Variants in MDGA2 observed in about 807,000 individuals in gnomAD.
The protein encoded by MDGA2 is MAM domain-containing glycosylphosphatidylinositol anchor protein 2.
In MDGA2, 40 loss-of-function variants were observed where a neutral mutation model predicts 117.8. The observed-to-expected ratio is 0.34, with a 90% CI of 0.26 to 0.44. The LOEUF (loss-of-function observed/expected upper bound fraction) is 0.44, where lower values mean the gene tolerates loss of function less well. Among genes scored for constraint, MDGA2 ranks in the 20% least tolerant of loss-of-function variants. MDGA2 has a pLI of 1.00. For synonymous variants in MDGA2, 452 were observed against 439.0 expected, an observed-to-expected ratio of 1.03 and a Z score of -0.37; for missense variants, 1,123 against 1,250.6, an observed-to-expected ratio of 0.90 and a Z score of 1.54.
intron 1 of MDGA2, among the ~76,000 whole-genome samples, chr14:47,574,977 C>T (rs1043903765): frequency 4.6e-5 from 7 of 152,100 alleles, no homozygotes; most frequent in African/African-American, 1.2e-4. Context: ...CATGAGTATA[C>T]GTGGGTCTGT....
chr14:47,371,120 T>A (rs1891349169), intron 1 of MDGA2, among the ~76,000 whole-genome samples: 1 of 151,894 alleles, frequency 6.6e-6, no homozygotes, highest in African/African-American at 2.4e-5. Flanking sequence ...TAAATGATAC[T>A]TTTATTTTTC....
intron 1 of MDGA2, among the ~76,000 whole-genome samples, chr14:47,533,669 T>G (rs1895148096): frequency 6.6e-6 from 1 of 152,214 alleles, no homozygotes; most frequent in African/African-American, 2.4e-5. Context: ...AATAGTGACC[T>G]CATTACACTG....
intron 2 of MDGA2, among the ~76,000 whole-genome samples, chr14:47,253,434 C>T (rs1198528008): frequency 3.3e-5 from 5 of 152,164 alleles, no homozygotes; most frequent in African/African-American, 7.2e-5. Context: ...CCAAGACAAA[C>T]GGGCTACACA....
At chr14:47,174,640 T>C (rs1428807941) in intron 3 of MDGA2, among the ~76,000 whole-genome samples, 1 of 151,996 alleles carries the variant, frequency 6.6e-6, no homozygotes, top group African/African-American at 2.4e-5. Flanking sequence ...CTGGGACACA[T>C]TCAAAGCAGT....
At chr14:47,468,239 T>G (rs1346117360) in intron 1 of MDGA2, among the ~76,000 whole-genome samples, 1 of 152,156 alleles carries the variant, frequency 6.6e-6, no homozygotes. Context: ...TCTAAGGTCC[T>G]GACTATCCGT....
chr14:47,104,788 C>T lies in MDGA2; in HGVS notation c.926-7665G>A, dbSNP rs142818613. Among the ~76,000 whole-genome samples the T allele has an allele frequency of 7.9e-5, 12 of 152,210 alleles. No individual in the cohort carries two copies. In the East Asian group the frequency reaches 2.1e-3, roughly 27 times the overall value. ...CACCTACGACCTCAGGTCCTCAGACCGACCAGCCCAAGAAACAAACATCTC... is the reference window on the plus strand; with the variant it reads ...CACCTACGACCTCAGGTCCTCAGACTGACCAGCCCAAGAAACAAACATCTC... On this transcript the variant is annotated intron_variant, in intron 5 of 16. Coordinates refer to ENST00000399232, the MANE Select transcript of MDGA2 (RefSeq NM_001113498.3).
intron 14 of MDGA2, chr14:46,870,842 AT>A: frequency 6.6e-6 from 1 of 152,166 alleles, no homozygotes; most frequent in South Asian, 2.1e-4. Flanking sequence ...TATTAAAAGT[AT>A]TTTTAAAGTA....
At chr14:47,552,831 G>GT (rs1350166926) in intron 1 of MDGA2, among the ~76,000 whole-genome samples, 2 of 152,060 alleles carry the variant, frequency 1.3e-5, no homozygotes, top group Non-Finnish European at 2.9e-5. Context: ...CAGTCTCCAT[G>GT]TGACTCCTTT....
chr14:47,295,552 C>G (rs1889035559), intron 2 of MDGA2, among the ~76,000 whole-genome samples: 1 of 151,962 alleles, frequency 6.6e-6, no homozygotes, highest in South Asian at 2.1e-4. Context: ...TGTTTGAGGT[C>G]AACTGAGGAA....
At chr14:47,553,665 G>A (rs986278206) in intron 1 of MDGA2, among the ~76,000 whole-genome samples, 1 of 151,954 alleles carries the variant, frequency 6.6e-6, no homozygotes, top group Non-Finnish European at 1.5e-5. Flanking sequence ...GTATACATAT[G>A]TGTGTGACTG....
intron 1 of MDGA2, among the ~76,000 whole-genome samples, chr14:47,361,214 T>G (rs2138370918): frequency 7.0e-6 from 1 of 142,158 alleles, no homozygotes; most frequent in Admixed American, 7.2e-5. Context: ...TCTCTATATA[T>G]ATATATATAT....
chr14:47,229,834 G>A (rs1410326979), intron 2 of MDGA2, among the ~76,000 whole-genome samples: 1 of 151,882 alleles, frequency 6.6e-6, no homozygotes, highest in Non-Finnish European at 1.5e-5. Context: ...GCCCTTTTTT[G>A]TAATGAGAGT....
intron 1 of MDGA2, among the ~76,000 whole-genome samples, chr14:47,608,771 A>G (rs1318982304): frequency 6.6e-6 from 1 of 152,124 alleles, no homozygotes; most frequent in Non-Finnish European, 1.5e-5. Flanking sequence ...GGAGGGGCAC[A>G]GGGAAGAAGC....
intron 4 of MDGA2, among the ~76,000 whole-genome samples, chr14:47,134,377 A>G: frequency 1.3e-5 from 2 of 152,244 alleles, no homozygotes; most frequent in Admixed American, 1.3e-4. Context: ...TAAACTCAAT[A>G]TAATTAAATG....
chr14:47,280,820 T>G (rs1485287750), intron 2 of MDGA2, among the ~76,000 whole-genome samples: 1 of 151,744 alleles, frequency 6.6e-6, no homozygotes, highest in Non-Finnish European at 1.5e-5. Context: ...TAATTTATTT[T>G]TATTTTATTG....
intron 9 of MDGA2, among the ~76,000 whole-genome samples, chr14:46,944,940 T>G (rs1885120491): frequency 6.6e-6 from 1 of 152,086 alleles, no homozygotes; most frequent in Non-Finnish European, 1.5e-5. Context: ...ACATCTGGCC[T>G]ACCTTAAGGT....
intron 1 of MDGA2, among the ~76,000 whole-genome samples, chr14:47,572,407 T>A (rs946973107): frequency 6.6e-6 from 1 of 152,240 alleles, no homozygotes; most frequent in Non-Finnish European, 1.5e-5. Flanking sequence ...TTTGGGATCA[T>A]GTTATTAATT....
rs1037206911 is a variant in MDGA2 at position 47,105,897 on chromosome 14, T to G, written c.926-8774A>C. Among the ~76,000 whole-genome samples, 227 of 152,044 alleles carry G rather than the reference T, an allele frequency of 1.5e-3. 1 individual carries two copies. The highest frequency in any genetic ancestry group is 1.4e-3 in the Non-Finnish European group (95 of 68,016). Reference sequence around the variant, plus strand: ...TAGGTCCCAATTCTTTCTCAGCCTCTGCTCCTCCACCCTATAATCTTTTTA... The same window carrying G: ...TAGGTCCCAATTCTTTCTCAGCCTCGGCTCCTCCACCCTATAATCTTTTTA... On this transcript the variant is annotated intron_variant, in intron 5 of 16. Transcript: ENST00000399232.
intron 1 of MDGA2, among the ~76,000 whole-genome samples, chr14:47,506,734 G>T (rs1417540855): frequency 6.6e-6 from 1 of 152,184 alleles, no homozygotes; most frequent in Non-Finnish European, 1.5e-5. Flanking sequence ...AAGAATGCAG[G>T]CCGGGCGGGG....
Sources: gnomAD v4.1 joint callset for allele counts (sites outside exome capture counted in the v4.1 genomes callset) on GRCh38, gnomAD v4.1.1 for gene constraint, MANE v1.5 for transcripts, NCBI Gene and HGNC (gene_info 2026-07-23, HGNC 2026-07-21) for gene names.